The following SCAND1 variants were observed in gnomAD, a reference collection of about 807,000 sequenced individuals.
SCAND1 encodes SCAN domain-containing protein 1.
Under a neutral mutation model 3.4 loss-of-function variants are expected in SCAND1, and 3 were observed. The observed-to-expected ratio is 0.87, with a 90% CI of 0.40 to 2.25. The LOEUF is 2.25. SCAND1 is among the 30% of genes most tolerant of loss of function. The probability of loss-of-function intolerance (pLI) is 0.05; values close to 1 mark genes in which losing one functional copy is unlikely to be tolerated. For missense variants in SCAND1, 303 were observed against 258.8 expected, an observed-to-expected ratio of 1.17 and a Z score of -1.17; for synonymous variants, 152 against 120.5, an observed-to-expected ratio of 1.26 and a Z score of -1.72.
upstream of SCAND1, chr20:35,954,628 C>T (rs1404349208): frequency 3.8e-6 from 5 of 1,321,268 alleles, no homozygotes; most frequent in African/African-American, 7.5e-5. Flanking sequence ...CTGCGCGTGG[C>T]CTGGGCTCCT....
At chr20:35,957,405 G>A (rs2056267728), upstream of SCAND1, among the ~76,000 whole-genome samples, 1 of 152,026 alleles carries the variant, frequency 6.6e-6, no homozygotes, top group South Asian at 2.1e-4. Flanking sequence ...TGGGCAACAT[G>A]ATGAAACCCT....
chr20:35,958,315 C>T (rs370592602), upstream of SCAND1, among the ~76,000 whole-genome samples: 26 of 152,200 alleles, frequency 1.7e-4, no homozygotes, highest in South Asian at 8.3e-4. Flanking sequence ...ACCTGTAATC[C>T]GAGCTACTTG....
chr20:35,959,271 A>G (rs1302100514), upstream of SCAND1: 1 of 152,114 alleles, frequency 6.6e-6, no homozygotes, highest in African/African-American at 2.4e-5. Flanking sequence ...ACTTCCTTGA[A>G]TATGTAAGTT....
chr20:35,955,912 A>G (rs6058376), upstream of SCAND1, among the ~76,000 whole-genome samples: 39,588 of 151,944 alleles, frequency 0.26, 6,191 homozygotes, highest in African/African-American at 0.44. Flanking sequence ...GTACAGATGG[A>G]GTTTCACCGT....
In SCAND1 at chr20:35,954,201, G is replaced by A. The variant is rs372191374; in HGVS notation, c.84C>T (p.Ser28=). ...PPEKLEGAGS[S]SAPERNCVGS... is the part of the protein sequence containing the mutation. ...CCACACAGTTACGCTCAGGGGCTGAGCTCGAACCGGCTCCTTCCAGTTTCT... is the reference window on the plus strand; with the variant it reads ...CCACACAGTTACGCTCAGGGGCTGAACTCGAACCGGCTCCTTCCAGTTTCT... Residue 28 remains serine (S), a synonymous_variant, in exon 2 of 2, where the codon AGC becomes AGT. Coordinates refer to ENST00000305978, the MANE Select transcript of SCAND1 (RefSeq NM_033630.3). The A allele has an allele frequency of 4.0e-5, 64 of 1,612,162 alleles. No individual in the cohort carries two copies. Among genetic ancestry groups the A allele is most frequent in the Non-Finnish European group, 5.0e-5 (59 of 1,179,918 alleles).
At chr20:35,958,731 C>T (rs1011285564), upstream of SCAND1, 1 of 152,160 alleles carries the variant, frequency 6.6e-6, no homozygotes, top group Non-Finnish European at 1.5e-5. Flanking sequence ...TGTCTGATCA[C>T]CACAGAGATC....
upstream of SCAND1, among the ~76,000 whole-genome samples, chr20:35,956,229 G>A (rs1316232347): frequency 6.6e-6 from 1 of 152,196 alleles, no homozygotes; most frequent in Non-Finnish European, 1.5e-5. Flanking sequence ...GGGTAGAAGT[G>A]GACCCTCATG....
chr20:35,954,552 G>A, upstream of SCAND1: 1 of 1,497,106 alleles, frequency 6.7e-7, no homozygotes, highest in East Asian at 2.7e-5. Context: ...GCTCCCGGAA[G>A]CGGCGCCCTC....
upstream of SCAND1, among the ~76,000 whole-genome samples, chr20:35,955,768 G>A (rs2056250150): frequency 6.6e-6 from 1 of 151,772 alleles, no homozygotes; most frequent in African/African-American, 2.4e-5. Flanking sequence ...AAATAGTTTT[G>A]TTTTTGTTTT....
rs1413493204 is a variant in SCAND1, at chr20:35,954,033, C to G, written c.252G>C (p.Ala84=). ...AGCGCGCTTCAGCTTCGGCCTGAGG[C>G]GCTACGCTCACGGGTGCGGGCCCGA... is the stretch of plus-strand genomic sequence containing the variant. The part of the protein sequence containing the change: ...LPLGPAPVSV[A]PQAEAEARST... The change falls in exon 2 of 2, where the codon GCG becomes GCC. Residue 84 remains alanine, a synonymous_variant. Transcript: ENST00000305978. The G allele has an allele frequency of 6.5e-7, 1 of 1,543,472 alleles. No homozygotes were observed. Among genetic ancestry groups the G allele is most frequent in the Admixed American group, 2.0e-5 (1 of 50,770 alleles).
upstream of SCAND1, chr20:35,955,078 C>T (rs1379250797): frequency 5.8e-6 from 1 of 171,220 alleles, no homozygotes; most frequent in East Asian, 1.9e-4. Context: ...CCTCCGAAAC[C>T]AAGGGAAATG....
At chr20:35,954,766 T>A, upstream of SCAND1, 2 of 505,682 alleles carry the variant, frequency 4.0e-6, no homozygotes, top group Non-Finnish European at 6.5e-6. Flanking sequence ...GACCTTTGCG[T>A]GCGGGCGCCC....
In SCAND1 at chr20:35,954,407, G is replaced by A. The variant is rs1368497999; in HGVS notation, c.-56+41C>T. The A allele has an allele frequency of 2.6e-6, 4 of 1,555,558 alleles. No individual in the cohort carries two copies. In the African/African-American group the frequency reaches 4.1e-5, roughly 16 times the overall value. On this transcript the variant is annotated intron_variant, in intron 1 of 1. Coordinates refer to ENST00000305978, the MANE Select transcript of SCAND1 (RefSeq NM_033630.3). ...GGGCAGAGCTCGCGTCACCCTTGAGGGAGTCGGACTCGGGACCGGCCGAGA... is the reference window on the plus strand; with the variant it reads ...GGGCAGAGCTCGCGTCACCCTTGAGAGAGTCGGACTCGGGACCGGCCGAGA...
chr20:35,954,413 G>A (rs2056224284), intron 1 of SCAND1, 35 bp downstream of exon 1: 2 of 1,553,112 alleles, frequency 1.3e-6, no homozygotes, highest in African/African-American at 2.7e-5. Context: ...TGAGGGAGTC[G>A]GACTCGGGAC....
At chr20:35,957,899 A>G (rs2056272098), upstream of SCAND1, 1 of 152,230 alleles carries the variant, frequency 6.6e-6, no homozygotes, top group Middle Eastern at 3.4e-3. Context: ...ATCTCATATC[A>G]CTTAGCTTCC....
At chr20:35,958,351 G>GAAA (rs1384777056), upstream of SCAND1, among the ~76,000 whole-genome samples, 1 of 152,164 alleles carries the variant, frequency 6.6e-6, no homozygotes, top group African/African-American at 2.4e-5. Flanking sequence ...AGAATCACTT[G>GAAA]AACCCGGGAG....
upstream of SCAND1, among the ~76,000 whole-genome samples, chr20:35,956,653 C>T (rs2147160138): frequency 6.6e-6 from 1 of 152,320 alleles, no homozygotes; most frequent in Middle Eastern, 3.4e-3. Context: ...TGTCTGGCCC[C>T]TCAGTAGTTG....
rs539694073 is a variant in SCAND1 at position 35,954,307 on chromosome 20, C to CT, written c.-24dup. On this transcript the variant is annotated 5_prime_UTR_variant, in exon 2 of 2. Transcript: ENST00000305978. The stretch of plus-strand genomic sequence containing the variant: ...CATAACTCCAGCTCCGGGCGTCACT[C>CT]TTTGTCCGGTAGCTGTGTGCTCAGC... 2 of 1,613,276 alleles carry CT rather than the reference C, an allele frequency of 1.2e-6. No individual in the cohort carries two copies. Among genetic ancestry groups the CT allele is most frequent in the African/African-American group, 1.3e-5 (1 of 74,932 alleles).
chr20:35,959,465 C>CA (rs1212080708), upstream of SCAND1: 1 of 152,488 alleles, frequency 6.6e-6, no homozygotes, highest in African/African-American at 2.4e-5. Flanking sequence ...CAAGGAGGAG[C>CA]AAGTCACATC....
Sources: gnomAD v4.1 joint callset for allele counts (sites outside exome capture counted in the v4.1 genomes callset) on GRCh38, gnomAD v4.1.1 for gene constraint, MANE v1.5 for transcripts, NCBI Gene and HGNC (gene_info 2026-07-23, HGNC 2026-07-21) for gene names.